Variants in NT5C1B observed in about 807,000 individuals in gnomAD.
NT5C1B encodes the protein 5'-nucleotidase, cytosolic IB.
In NT5C1B, 44 loss-of-function variants were observed where a neutral mutation model predicts 57.8. The observed-to-expected ratio is 0.76, with a 90% CI of 0.60 to 0.98. NT5C1B has a LOEUF of 0.98. NT5C1B is among the 50% of genes least tolerant of loss of function. The pLI is 0.00. For synonymous variants in NT5C1B, 284 were observed against 282.6 expected (o/e 1.00, Z -0.05); for missense variants, 742 against 719.5 (o/e 1.03, Z -0.36).
exon 9 of NT5C1B, chr2:18,563,665 A>ATTTTTTG: frequency 9.4e-7 from 1 of 1,058,794 alleles, no homozygotes; most frequent in Non-Finnish European, 1.3e-6. Flanking sequence ...AAAAATCAGG[A>ATTTTTTG]GAAAACCTTT....
rs1167987255 is a variant in NT5C1B at position 18,583,013 on chromosome 2, A to G, written c.892-16T>C. 2 of 1,611,414 alleles carry G rather than the reference A, an allele frequency of 1.2e-6. No individual in the cohort carries two copies. Among genetic ancestry groups the G allele is most frequent in the Non-Finnish European group, 1.7e-6 (2 of 1,178,756 alleles). ...ACTGTAGTGCCTGCAGGTTACAAAC[A>G]TGAATGTGTGTAAAGAGGGGCAGGC... On this transcript the variant is annotated splice_polypyrimidine_tract_variant and intron_variant, in intron 5 of 8. Transcript: ENST00000304081.
chr2:18,565,745 A>G (rs922540324), intron 8 of NT5C1B, among the ~76,000 whole-genome samples: 2 of 152,130 alleles, frequency 1.3e-5, no homozygotes, highest in East Asian at 1.9e-4. Flanking sequence ...ATATATAAAC[A>G]TCTTTGATAA....
At chr2:18,572,045 C>T (rs1268851016) in intron 8 of NT5C1B, among the ~76,000 whole-genome samples, 2 of 143,414 alleles carry the variant, frequency 1.4e-5, no homozygotes, top group East Asian at 2.1e-4. Flanking sequence ...GAGATCATGC[C>T]ATTGCATTCC....
intron 8 of NT5C1B, among the ~76,000 whole-genome samples, chr2:18,566,369 T>C (rs1007218943): frequency 2.6e-5 from 4 of 152,232 alleles, no homozygotes; most frequent in African/African-American, 7.2e-5. Context: ...ACATGACTTA[T>C]TGTGTAACCA....
Position 18,584,572 on chromosome 2 carries a change from T to G in NT5C1B, c.665A>C (p.Tyr222Ser). The change falls in exon 4 of 9, where the codon TAC (tyrosine) becomes TCC (serine). Residue 222 changes from tyrosine (Y) to serine (S), a missense_variant. By Grantham distance (144) the Tyr-to-Ser change is moderately radical. Coordinates refer to ENST00000304081, the Ensembl canonical transcript of NT5C1B. The surrounding 1 kb of genome is among the most constrained non-coding windows in gnomAD (Gnocchi z 5.8). ...GTAGAACGACCTCATGGATGCCCAGTAGGCAGCCTCGTAGTCGTCCTCGTC... is the reference window on the plus strand; with the variant it reads ...GTAGAACGACCTCATGGATGCCCAGGAGGCAGCCTCGTAGTCGTCCTCGTC... 1 of 1,612,802 alleles carries G rather than the reference T, an allele frequency of 6.2e-7. No homozygotes were observed. Among genetic ancestry groups the G allele is most frequent in the Non-Finnish European group, 8.5e-7 (1 of 1,179,560 alleles).
intron 8 of NT5C1B, among the ~76,000 whole-genome samples, chr2:18,569,270 G>A (rs978299874): frequency 6.6e-6 from 1 of 151,986 alleles, no homozygotes; most frequent in Non-Finnish European, 1.5e-5. Context: ...AGATAAAATG[G>A]AACGTAAAAA....
In NT5C1B at chr2:18,584,301, G is replaced by A. The variant is rs778747793; in HGVS notation, c.724-46C>T. On this transcript the variant is annotated intron_variant, in intron 4 of 8. Transcript: ENST00000304081. The surrounding 1 kb of genome is among the most constrained non-coding windows in gnomAD (Gnocchi z 5.8). ...GGGAGGATAGTCACATAGCCACGAAGAGGACAGGGTTGGGGCTCCTCCAGG... is the reference window on the plus strand; with the variant it reads ...GGGAGGATAGTCACATAGCCACGAAAAGGACAGGGTTGGGGCTCCTCCAGG... 2.5e-6 allele frequency: 4 copies of A among 1,598,808 alleles called. No individual in the cohort carries two copies. The Admixed American group carries it at 6.7e-5, about 27-fold the overall frequency.
At chr2:18,578,340 C>G (rs191704529) in intron 6 of NT5C1B, among the ~76,000 whole-genome samples, 1 of 152,122 alleles carries the variant, frequency 6.6e-6, no homozygotes, top group Admixed American at 6.5e-5. Context: ...GGCCAATATC[C>G]CTGATGAACA....
chr2:18,585,476 C>T (rs1348899116), intron 3 of NT5C1B, among the ~76,000 whole-genome samples: 1 of 152,282 alleles, frequency 6.6e-6, no homozygotes, highest in Non-Finnish European at 1.5e-5. Flanking sequence ...ATGTCTCTCC[C>T]CGCTCCCCAT....
At chr2:18,571,697 T>C in intron 8 of NT5C1B, among the ~76,000 whole-genome samples, 1 of 121,558 alleles carries the variant, frequency 8.2e-6, no homozygotes, top group Non-Finnish European at 1.6e-5. Flanking sequence ...GTACTCTCTC[T>C]CTCTTTCTCT....
chr2:18,589,115 A>G (rs1666975247), intron 1 of NT5C1B, among the ~76,000 whole-genome samples: 2 of 152,340 alleles, frequency 1.3e-5, no homozygotes, highest in East Asian at 1.9e-4. Context: ...TAGGCCATGC[A>G]TTCTTCAAAG....
intron 6 of NT5C1B, among the ~76,000 whole-genome samples, chr2:18,581,571 C>T (rs1379552455): frequency 6.6e-6 from 1 of 151,950 alleles, no homozygotes; most frequent in African/African-American, 2.4e-5. Flanking sequence ...GTGGAAGTAT[C>T]TGCTTTGGTA....
At chr2:18,582,781 T>G in intron 6 of NT5C1B, 87 bp downstream of exon 6, 1 of 1,536,106 alleles carries the variant, frequency 6.5e-7, no homozygotes, top group African/African-American at 1.4e-5. Context: ...GACACTGCAT[T>G]TGGTTAAGCC....
intron 1 of NT5C1B, 21 bp from the exon 2 acceptor site, chr2:18,587,613 TG>T (rs1558392200): frequency 6.2e-7 from 1 of 1,601,838 alleles, no homozygotes; most frequent in Non-Finnish European, 8.5e-7. Flanking sequence ...AAACAAAGAA[TG>T]TTTATTAATT....
chr2:18,585,993 G>A (rs1666670865), intron 3 of NT5C1B, among the ~76,000 whole-genome samples: 1 of 152,058 alleles, frequency 6.6e-6, no homozygotes, highest in Non-Finnish European at 1.5e-5. Flanking sequence ...GAGGAAGTGT[G>A]CAGCCTCTAG....
At position 18,584,754 on chromosome 2, in the gene NT5C1B, C is replaced by T; in HGVS notation, c.483G>A (p.Val161=). The T allele has an allele frequency of 6.2e-7, 1 of 1,613,644 alleles. No individual in the cohort carries two copies. The highest frequency in any genetic ancestry group is 8.5e-7 in the Non-Finnish European group (1 of 1,179,784). ...AGTCCCGGGTCTGGCGGATTTCCCG[C>T]ACGATGCCTTGGGCCCAGGCCTCCG... The change falls in exon 4 of 9, where the codon GTG becomes GTA. Residue 161 remains valine (V), a synonymous_variant. Coordinates refer to ENST00000304081, the Ensembl canonical transcript of NT5C1B. The surrounding 1 kb of genome is among the most constrained non-coding windows in gnomAD (Gnocchi z 5.8).
chr2:18,582,920 A>T (rs773878044), exon 6 of NT5C1B: 2 of 1,614,102 alleles, frequency 1.2e-6, no homozygotes, highest in Non-Finnish European at 1.7e-6. Context: ...CATGGTTATT[A>T]GTCATCAGTA....
intron 2 of NT5C1B, 148 bp from the exon 3 acceptor site, chr2:18,586,539 C>G (rs1666727840): frequency 8.5e-7 from 1 of 1,181,082 alleles, no homozygotes; most frequent in African/African-American, 1.5e-5. Context: ...TCAACCTGAA[C>G]TCTTCTGTAC....
At chr2:18,567,410 G>T (rs1393791549) in intron 8 of NT5C1B, among the ~76,000 whole-genome samples, 1 of 152,096 alleles carries the variant, frequency 6.6e-6, no homozygotes, top group Admixed American at 6.5e-5. Flanking sequence ...GGCTATCACT[G>T]GGGCATGGCA....
Sources: allele counts gnomAD v4.1 joint callset (sites outside exome capture counted in the v4.1 genomes callset), GRCh38; gene constraint gnomAD v4.1.1; non-coding constraint Gnocchi (gnomAD v3.1); transcripts MANE v1.5; gene names NCBI Gene and HGNC (gene_info 2026-07-23, HGNC 2026-07-21).